Variants in KMT2A observed in about 807,000 individuals in gnomAD.
KMT2A encodes the protein lysine methyltransferase 2A, also known as histone-lysine N-methyltransferase 2A.
A neutral mutation model predicts 345.3 loss-of-function variants in KMT2A; 16 were observed. That is an observed-to-expected ratio of 0.05 (90% confidence interval 0.03 to 0.07). The LOEUF (loss-of-function observed/expected upper bound fraction) is 0.07. Ranked by LOEUF, KMT2A falls within the 10% of genes least tolerant of loss-of-function variation. KMT2A has a pLI of 1.00. For missense variants in KMT2A, 3,272 were observed against 4,841.6 expected, an observed-to-expected ratio of 0.68 and a Z score of 9.62; for synonymous variants, 1,599 against 1,778.6, an observed-to-expected ratio of 0.90 and a Z score of 2.54.
At chr11:118,442,991 T>G (rs1027431175) in intron 1 of KMT2A, among the ~76,000 whole-genome samples, 11 of 152,152 alleles carry the variant, frequency 7.2e-5, no homozygotes. Flanking sequence ...CTATTTTTGT[T>G]GTTGTTATTG....
In KMT2A at chr11:118,495,442, C is replaced by G. The variant is rs1950393001; in HGVS notation, c.5364-258C>G. 6.6e-6 allele frequency among the ~76,000 whole-genome samples: 1 copy of G among 152,198 alleles called. No individual in the cohort carries two copies. On this transcript the variant is annotated intron_variant, in intron 18 of 35. Transcript: ENST00000534358. The surrounding 1 kb of genome is among the most constrained non-coding windows in gnomAD (Gnocchi z 4.1). ...AAAGTGCTGGGATTACAGGCATGAG[C>G]CACCATGCCCGGCCTCTTTTGAGTT...
intron 1 of KMT2A, among the ~76,000 whole-genome samples, chr11:118,460,855 A>C (rs899273724): frequency 1.4e-4 from 21 of 152,286 alleles, no homozygotes; most frequent in Admixed American, 3.9e-4. Context: ...ATTTTAATGC[A>C]ACTGATTTTT....
intron 8 of KMT2A, 35 bp downstream of exon 8, chr11:118,482,530 G>A (rs782698036): frequency 4.2e-6 from 6 of 1,434,488 alleles, no homozygotes; most frequent in Non-Finnish European, 4.9e-6. Context: ...CATTTCTCAG[G>A]GATGTATTCT....
intron 11 of KMT2A, 136 bp from the exon 12 acceptor site, chr11:118,489,656 T>C (rs1950293374): frequency 1.5e-6 from 1 of 678,816 alleles, no homozygotes; most frequent in African/African-American, 1.8e-5. Context: ...TGGGAGTAAA[T>C]AATGTATGAG....
At chr11:118,467,978 G>A (rs1235909114) in intron 1 of KMT2A, among the ~76,000 whole-genome samples, 1 of 151,940 alleles carries the variant, frequency 6.6e-6, no homozygotes, top group Non-Finnish European at 1.5e-5. Flanking sequence ...TCTTTCTTGA[G>A]AACTTGTGCA....
At chr11:118,457,257 CTTTTTTTTTT>C (rs782636684) in intron 1 of KMT2A, among the ~76,000 whole-genome samples, 2 of 89,072 alleles carry the variant, frequency 2.2e-5, no homozygotes, top group South Asian at 6.2e-4. Context: ...CACCTCCTGC[CTTTTTTTTTT>C]TTTTTTTTTT....
intron 30 of KMT2A, 92 bp from the exon 31 acceptor site, chr11:118,511,859 G>T: frequency 1.0e-6 from 1 of 961,802 alleles, no homozygotes; most frequent in Non-Finnish European, 1.7e-6. Context: ...CACACTGTAG[G>T]GATTCTAAGC....
intron 12 of KMT2A, 61 bp downstream of exon 12, chr11:118,489,948 A>G (rs147874234): frequency 1.3e-6 from 2 of 1,501,014 alleles, no homozygotes; most frequent in East Asian, 4.5e-5. Context: ...GGACTTATGT[A>G]ACTTGTATTA....
chr11:118,454,262 C>A (rs1325342868), intron 1 of KMT2A, among the ~76,000 whole-genome samples: 1 of 152,218 alleles, frequency 6.6e-6, no homozygotes, highest in Admixed American at 6.5e-5. Context: ...CTATGGCCAA[C>A]AAAGCCACAC....
At chr11:118,470,927 G>A (rs1316615781) in intron 2 of KMT2A, among the ~76,000 whole-genome samples, 2 of 152,158 alleles carry the variant, frequency 1.3e-5, no homozygotes, top group Non-Finnish European at 2.9e-5. Context: ...GATTTAATAA[G>A]TTGTCATTTT....
At chr11:118,456,160 A>C (rs1949638055) in intron 1 of KMT2A, among the ~76,000 whole-genome samples, 1 of 151,930 alleles carries the variant, frequency 6.6e-6, no homozygotes, top group African/African-American at 2.4e-5. Context: ...TTAATCAGCC[A>C]TTGCTCATTA....
chr11:118,518,920 A>G (rs1234602139), intron 31 of KMT2A, among the ~76,000 whole-genome samples: 2 of 151,180 alleles, frequency 1.3e-5, no homozygotes, highest in South Asian at 2.1e-4. Context: ...TACTAAAAAT[A>G]CGAAAAAAAT....
chr11:118,516,630 A>G (rs1023416173), intron 31 of KMT2A, among the ~76,000 whole-genome samples: 1 of 152,186 alleles, frequency 6.6e-6, no homozygotes, highest in Non-Finnish European at 1.5e-5. Context: ...GCTCACCTGT[A>G]AGTTCCTAAG....
chr11:118,442,062 T>A (rs1555025980), intron 1 of KMT2A, among the ~76,000 whole-genome samples: 7 of 152,274 alleles, frequency 4.6e-5, no homozygotes, highest in Non-Finnish European at 5.9e-5. Flanking sequence ...TAATTGTAGG[T>A]CTCCTAATTA....
rs192245846 is a variant in KMT2A at position 118,496,418 on chromosome 11, T to G, written c.5664+51T>G. ...TAGTTAATACATACTCCAAAAGAAC[T>G]GTTTGTCCTTGTGTCCATACTTGAT... On this transcript the variant is annotated intron_variant, in intron 20 of 35. Transcript: ENST00000534358. This position sits in a 1 kb window ranked among gnomAD's most constrained non-coding sequence, Gnocchi z 4.7. The G allele has an allele frequency of 2.4e-6, 3 of 1,253,840 alleles. No homozygotes were observed. Among genetic ancestry groups the G allele is most frequent in the Non-Finnish European group, 3.5e-6 (3 of 853,204 alleles). 77.7% of individuals were successfully genotyped at this position (1,253,840 alleles called of 1,614,324 possible). A position where few individuals can be genotyped will look rare whatever the true frequency, so the allele number is the denominator to read the frequency against.
chr11:118,518,213 A>G (rs1950866111), intron 31 of KMT2A, among the ~76,000 whole-genome samples: 1 of 152,224 alleles, frequency 6.6e-6, no homozygotes. Context: ...AACATTAGCT[A>G]TTTGCTAGTG....
intron 32 of KMT2A, 65 bp from the exon 33 acceptor site, chr11:118,519,892 T>G (rs781847861): frequency 5.1e-6 from 8 of 1,560,398 alleles, no homozygotes; most frequent in Non-Finnish European, 7.1e-6. Flanking sequence ...CCAGTTTTAA[T>G]GCCATCATCC....
chr11:118,507,639 A>G, intron 28 of KMT2A, 30 bp downstream of exon 28: 4 of 1,569,156 alleles, frequency 2.5e-6, no homozygotes, highest in Admixed American at 1.7e-5. Context: ...TTTTAAGACT[A>G]AGCTCTCAGT....
At position 118,505,793 on chromosome 11, in the gene KMT2A, C is replaced by T. The variant is rs2134408339; in HGVS notation, c.9901C>T (p.Pro3301Ser). 6.2e-7 allele frequency: 1 copy of T among 1,614,090 alleles called. No homozygotes were observed. The highest frequency in any genetic ancestry group is 1.1e-5 in the South Asian group (1 of 91,064). The change falls in exon 27 of 36, where the codon CCG (proline) becomes TCG (serine). Residue 3301 changes from proline (P) to serine (S), a missense_variant. Pro to Ser is a moderately conservative substitution (Grantham distance 74). Around this residue, in one of 27 missense-constraint regions of KMT2A, gnomAD observed 748 missense variants for 922.2 expected, o/e 0.81. Transcript: ENST00000534358. This position sits in a 1 kb window ranked among gnomAD's most constrained non-coding sequence, Gnocchi z 4.6. ...TAAATCTAGCATCATGTATTTTGAA[C>T]CGGCACCCCTGTTACCACAGAGTGT... is the stretch of plus-strand genomic sequence containing the variant. The part of the protein sequence containing the change: ...RSKSSIMYFE[P>S]APLLPQSVGG...
Sources: allele counts gnomAD v4.1 joint callset (sites outside exome capture counted in the v4.1 genomes callset), GRCh38; gene constraint gnomAD v4.1.1; regional missense constraint gnomAD v4.1.1; non-coding constraint Gnocchi (gnomAD v3.1); transcripts MANE v1.5; gene names NCBI Gene and HGNC (gene_info 2026-07-23, HGNC 2026-07-21).